The following SLC11A1 variants were observed in gnomAD, a reference collection of about 807,000 sequenced individuals.
SLC11A1 encodes the protein natural resistance-associated macrophage protein 1.
A neutral mutation model predicts 63.2 loss-of-function variants in SLC11A1; 59 were observed. The ratio of observed to expected loss-of-function variants is 0.93; its 90% CI spans 0.76 to 1.16. The LOEUF is 1.16. Ranked by LOEUF, SLC11A1 falls within the 50% of genes most tolerant of loss-of-function variation. The pLI is 0.00. For synonymous variants in SLC11A1, 305 were observed against 307.8 expected, an observed-to-expected ratio of 0.99 and a Z score of 0.09; for missense variants, 688 against 730.7, an observed-to-expected ratio of 0.94 and a Z score of 0.67.
Position 218,391,274 on chromosome 2 carries a change from A to T in SLC11A1, c.1031A>T (p.Asp344Val). Residue 344 changes from aspartate to valine, a missense_variant, in exon 10 of 15, where the codon GAC becomes GTC. Asp to Val is a radical substitution (Grantham distance 152, BLOSUM62 -3). Transcript: ENST00000233202. ...ATGAACAACGCCACCGTGGCCGTGG[A>T]CATTTACCAGGGGGTGAGCGCGGGT... ...FPMNNATVAV[D>V]IYQGGVILGC... is the part of the protein sequence containing the mutation. 6.2e-7 allele frequency: 1 copy of T among 1,611,832 alleles called. No homozygotes were observed. Among genetic ancestry groups the T allele is most frequent in the Middle Eastern group, 1.7e-4 (1 of 6,060 alleles).
Position 218,387,850 on chromosome 2 carries a change from G to A in SLC11A1, c.690G>A (p.Leu230=), listed in dbSNP as rs553039423. The A allele has an allele frequency of 1.9e-6, 3 of 1,601,498 alleles. No homozygotes were observed. The highest frequency in any genetic ancestry group is 1.8e-5 in the Admixed American group (1 of 56,840). ...GAGCGCTTCTTCGGGGCCTGTTCCTGCCCTCGTGCCCGGGCTGCGGCCACC... is the reference window on the plus strand; with the variant it reads ...GAGCGCTTCTTCGGGGCCTGTTCCTACCCTCGTGCCCGGGCTGCGGCCACC... The part of the protein sequence containing the change: ...EQGALLRGLF[L]PSCPGCGHPE... The change falls in exon 8 of 15, where the codon CTG becomes CTA. Residue 230 remains leucine (L), a synonymous_variant. Coordinates refer to ENST00000233202, the MANE Select transcript of SLC11A1 (RefSeq NM_000578.4).
chr2:218,394,852 G>A (rs1166954067), intron 14 of SLC11A1, 67 bp downstream of exon 14: 2 of 1,607,408 alleles, frequency 1.2e-6, no homozygotes, highest in East Asian at 2.2e-5. Context: ...CAATGGGGAG[G>A]GTTTGGGGGG....
chr2:218,388,188 C>G, intron 8 of SLC11A1: 1 of 494,464 alleles, frequency 2.0e-6, no homozygotes, highest in South Asian at 2.7e-5. Context: ...GTCAACATGG[C>G]GAAACCCCGT....
In SLC11A1 at chr2:218,396,642, T is replaced by C. The variant is rs1696797610; in HGVS notation, c.*1607T>C. 6.6e-6 allele frequency: 1 copy of C among 152,612 alleles called. No homozygotes were observed. Among genetic ancestry groups the C allele is most frequent in the Non-Finnish European group, 1.5e-5 (1 of 68,262 alleles). The allele number at this position is 152,612 out of a possible 1,614,324, so 9.5% of individuals were successfully genotyped here. On this transcript the variant is annotated 3_prime_UTR_variant, in exon 15 of 15. Coordinates refer to ENST00000233202, the MANE Select transcript of SLC11A1 (RefSeq NM_000578.4). Reference sequence around the variant, plus strand: ...CTGGGCAAGCGCTGCAGAGGGTACCTGGGCAAGAGGGCCGCCCGCCTCCTC... The same window carrying C: ...CTGGGCAAGCGCTGCAGAGGGTACCCGGGCAAGAGGGCCGCCCGCCTCCTC...
chr2:218,388,562 G>A (rs1696254681), intron 8 of SLC11A1, among the ~76,000 whole-genome samples: 1 of 151,230 alleles, frequency 6.6e-6, no homozygotes, highest in South Asian at 2.1e-4. Flanking sequence ...AGGAGGCCGA[G>A]GCGGGCGGGC....
chr2:218,394,193 T>C lies in SLC11A1; in HGVS notation c.1388T>C (p.Leu463Pro). 6.2e-7 allele frequency: 1 copy of C among 1,614,028 alleles called. No individual in the cohort carries two copies. The highest frequency in any genetic ancestry group is 8.5e-7 in the Non-Finnish European group (1 of 1,179,910). The change falls in exon 13 of 15, where the codon CTG (leucine) becomes CCG (proline). Residue 463 changes from leucine (L) to proline (P), a missense_variant and splice_region_variant. Leu to Pro is a moderately conservative substitution (Grantham distance 98). Coordinates refer to ENST00000233202, the MANE Select transcript of SLC11A1 (RefSeq NM_000578.4). ...CTCATGCAGGAGTTTGCCAATGGCC[T>C]GTGAGTACCCCCTTTCCCAAGTGCT... ...PTLMQEFANG[L>P]LNKVVTSSIM... is the part of the protein sequence containing the mutation.
rs1362974823 is a variant in SLC11A1, at chr2:218,387,583, C to CT, written c.597dup (p.Gly200TrpfsTer14). ...TCCGTAGGGCTGCGGAAGCTGGAAG[C>CT]TTTTTTTGGACTCCTTATAACCATT... On this transcript the variant is annotated frameshift_variant, in exon 7 of 15. Transcript: ENST00000233202. LOFTEE classifies it high-confidence loss of function. 1.9e-6 allele frequency: 3 copies of CT among 1,614,132 alleles called. No homozygotes were observed. The highest frequency in any genetic ancestry group is 1.1e-5 in the South Asian group (1 of 91,080).
intron 4 of SLC11A1, among the ~76,000 whole-genome samples, 182 bp from the exon 5 acceptor site, chr2:218,386,453 G>GA (rs11405187): frequency 0.28 from 38,988 of 136,992 alleles, 5,263 homozygotes; most frequent in Middle Eastern, 0.35. Flanking sequence ...ACTCTATTTC[G>GA]AAAAAAAAAA....
chr2:218,388,537 T>C (rs1163305718), intron 8 of SLC11A1, among the ~76,000 whole-genome samples: 1 of 152,042 alleles, frequency 6.6e-6, no homozygotes, highest in African/African-American at 2.4e-5. Flanking sequence ...CTCACGCCTG[T>C]AATCCCAGCA....
chr2:218,394,385 G>C (rs1696634807), intron 13 of SLC11A1, 192 bp downstream of exon 13: 1 of 705,746 alleles, frequency 1.4e-6, no homozygotes, highest in Admixed American at 2.8e-5. Context: ...GAAGAGGGCT[G>C]TTTCTAGAGC....
intron 12 of SLC11A1, among the ~76,000 whole-genome samples, chr2:218,393,541 A>G (rs1290875004): frequency 1.4e-5 from 2 of 144,828 alleles, no homozygotes; most frequent in African/African-American, 5.2e-5. Context: ...CAGTGGTGAG[A>G]TCTTGGCTCA....
At chr2:218,392,279 G>A (rs562979221) in intron 11 of SLC11A1, 2 of 208,194 alleles carry the variant, frequency 9.6e-6, no homozygotes, top group Non-Finnish European at 2.0e-5. Flanking sequence ...GGTCAGGGTG[G>A]TCTCGAACTC....
In SLC11A1 at chr2:218,382,383, G is replaced by A. The variant is rs1327576404; in HGVS notation, c.7+8G>A. 2 of 1,613,526 alleles carry A rather than the reference G, an allele frequency of 1.2e-6. No homozygotes were observed. The highest frequency in any genetic ancestry group is 2.2e-5 in the South Asian group (2 of 91,028). On this transcript the variant is annotated splice_region_variant and intron_variant, in intron 1 of 14. Transcript: ENST00000233202. ...TCGGCATTTCAATGACAGGTGAGTA[G>A]TGGCCCCTAGGGACAGAGCCTGATT...
Position 218,394,745 on chromosome 2 carries a change from C to G in SLC11A1, c.1502C>G (p.Ala501Gly). Residue 501 changes from alanine to glycine, a missense_variant, in exon 14 of 15, where the codon GCC (alanine) becomes GGC (glycine). By Grantham distance (60) the Ala-to-Gly change is moderately conservative. Coordinates refer to ENST00000233202, the MANE Select transcript of SLC11A1 (RefSeq NM_000578.4). ...LPHPAYFGLAALLAAAYLGLS... is the reference protein window; with the variant it reads ...LPHPAYFGLAGLLAAAYLGLS... ...CACCCTGCCTACTTCGGCCTTGCAG[C>G]CTTGCTGGCCGCAGCCTACCTGGGC... 6.2e-7 allele frequency: 1 copy of G among 1,613,692 alleles called. No individual in the cohort carries two copies. Among genetic ancestry groups the G allele is most frequent in the Non-Finnish European group, 8.5e-7 (1 of 1,180,030 alleles).
At position 218,385,144 on chromosome 2, in the gene SLC11A1, C is replaced by T. The variant is rs756534403; in HGVS notation, c.274-3C>T. On this transcript the variant is annotated splice_polypyrimidine_tract_variant and splice_region_variant and intron_variant, in intron 3 of 14. Coordinates refer to ENST00000233202, the MANE Select transcript of SLC11A1 (RefSeq NM_000578.4). ...CTGAAGGCCTCTCCCTGCCTCCTCA[C>T]AGCTTCTCTGGGTGCTGCTCTGGGC... is the stretch of plus-strand genomic sequence containing the variant. The T allele has an allele frequency of 1.2e-6, 2 of 1,613,634 alleles. No individual in the cohort carries two copies. The highest frequency in any genetic ancestry group is 2.2e-5 in the South Asian group (2 of 91,086).
intron 5 of SLC11A1, 32 bp from the exon 6 acceptor site, chr2:218,387,128 G>C (rs1169944429): frequency 1.2e-6 from 2 of 1,608,598 alleles, no homozygotes; most frequent in African/African-American, 1.3e-5. Context: ...CCCTGGACCA[G>C]GCTGGGCTGA....
In SLC11A1 at chr2:218,384,147, G is replaced by A; in HGVS notation, c.151-96G>A. The A allele has an allele frequency of 1.5e-6, 2 of 1,353,592 alleles. No homozygotes were observed. Among genetic ancestry groups the A allele is most frequent in the African/African-American group, 1.5e-5 (1 of 68,318 alleles). 83.8% of individuals were successfully genotyped at this position (1,353,592 alleles called of 1,614,324 possible). ...CCATGGAGGGCAGGGCTGGGCTGAT[G>A]AGCCTGTTGGGGCTCCTCTAGGGGA... On this transcript the variant is annotated intron_variant, in intron 2 of 14. Transcript: ENST00000233202. This position sits in a 1 kb window ranked among gnomAD's most constrained non-coding sequence, Gnocchi z 4.0.
intron 4 of SLC11A1, among the ~76,000 whole-genome samples, chr2:218,386,314 T>G (rs1349394034): frequency 2.0e-5 from 3 of 152,024 alleles, no homozygotes; most frequent in African/African-American, 7.3e-5. Context: ...TAGCCGGGCA[T>G]GGTGGCACAT....
rs1410305987 is a variant in SLC11A1, at chr2:218,394,779, C to T, written c.1536C>T (p.Thr512=). The change falls in exon 14 of 15, where the codon ACC becomes ACT. Residue 512 remains threonine (T), a synonymous_variant. Coordinates refer to ENST00000233202, the MANE Select transcript of SLC11A1 (RefSeq NM_000578.4). ...LLAAAYLGLS[T]YLVWTCCLAH... ...CCGCAGCCTACCTGGGCCTCAGCAC[C>T]TACCTGGTACAGTAGGGCCAGGGGA... 2.5e-6 allele frequency: 4 copies of T among 1,612,428 alleles called. No individual in the cohort carries two copies. Among genetic ancestry groups the T allele is most frequent in the South Asian group, 1.1e-5 (1 of 91,088 alleles).
Sources: gnomAD v4.1 joint callset for allele counts (sites outside exome capture counted in the v4.1 genomes callset) on GRCh38, gnomAD v4.1.1 for gene constraint, Gnocchi (gnomAD v3.1) non-coding constraint, MANE v1.5 for transcripts, NCBI Gene and HGNC (gene_info 2026-07-23, HGNC 2026-07-21) for gene names.